The following MARCHF3 variants were observed in gnomAD, a reference collection of about 807,000 sequenced individuals.
The protein encoded by MARCHF3 is E3 ubiquitin-protein ligase MARCHF3.
Under a neutral mutation model 24.2 loss-of-function variants are expected in MARCHF3, and 13 were observed. The observed-to-expected ratio is 0.54, with a 90% CI of 0.35 to 0.85. The LOEUF is 0.85. MARCHF3 is among the 40% of genes least tolerant of loss of function. The pLI is 0.01. For missense variants in MARCHF3, 276 were observed against 325.0 expected (o/e 0.85, Z 1.16); for synonymous variants, 144 against 137.3 (o/e 1.05, Z -0.34).
Position 126,870,545 on chromosome 5 carries a change from G to A in MARCHF3, c.*88C>T, listed in dbSNP as rs1752930379. 15 of 1,258,970 alleles carry A rather than the reference G, an allele frequency of 1.2e-5. No individual in the cohort carries two copies. The highest frequency in any genetic ancestry group is 1.7e-5 in the Non-Finnish European group (15 of 876,448). The allele number at this position is 1,258,970 out of a possible 1,614,324, so 78.0% of individuals were successfully genotyped here. ...TCTTAGACCCACAGGCTTAAGGAAG[G>A]GCTTGGGGGTCGCTCAGTGCATGAC... On this transcript the variant is annotated 3_prime_UTR_variant, in exon 5 of 5. Transcript: ENST00000308660.
chr5:126,907,713 T>C (rs1468291413), intron 3 of MARCHF3, among the ~76,000 whole-genome samples: 1 of 146,832 alleles, frequency 6.8e-6, no homozygotes, highest in Non-Finnish European at 1.5e-5. Context: ...CCTATGTGTG[T>C]CTCTGCACGT....
chr5:126,883,506 C>T (rs943937063), intron 3 of MARCHF3, among the ~76,000 whole-genome samples: 2 of 152,130 alleles, frequency 1.3e-5, no homozygotes, highest in African/African-American at 4.8e-5. Flanking sequence ...GAAACCCCAC[C>T]GTAATCAGCA....
intron 1 of MARCHF3, among the ~76,000 whole-genome samples, chr5:126,957,681 A>G (rs1284743775): frequency 6.6e-6 from 1 of 152,120 alleles, no homozygotes; most frequent in Non-Finnish European, 1.5e-5. Flanking sequence ...TTTTTGTAAA[A>G]CATCACATTT....
chr5:126,921,007 C>G (rs2126797107), intron 1 of MARCHF3, among the ~76,000 whole-genome samples: 2 of 151,822 alleles, frequency 1.3e-5, no homozygotes, highest in Middle Eastern at 6.8e-3. Context: ...TACAAGCAAG[C>G]CCTGGCTCTT....
chr5:126,899,639 G>A (rs1436189805), intron 3 of MARCHF3, among the ~76,000 whole-genome samples: 1 of 152,028 alleles, frequency 6.6e-6, no homozygotes, highest in Non-Finnish European at 1.5e-5. Flanking sequence ...CTTCTGATAG[G>A]GTGCTGTAGC....
chr5:126,942,157 T>C (rs1210366214), intron 1 of MARCHF3, among the ~76,000 whole-genome samples: 17 of 152,182 alleles, frequency 1.1e-4, no homozygotes, highest in Admixed American at 1.1e-3. Flanking sequence ...AATAAAAACA[T>C]TGAAAGCTCC....
chr5:126,885,481 C>T (rs929368447), intron 3 of MARCHF3, among the ~76,000 whole-genome samples: 1 of 152,044 alleles, frequency 6.6e-6, no homozygotes, highest in Non-Finnish European at 1.5e-5. Flanking sequence ...GCAGGAGAAT[C>T]GCTTGAACCC....
intron 1 of MARCHF3, among the ~76,000 whole-genome samples, chr5:126,954,830 G>A (rs1457572916): frequency 6.6e-6 from 1 of 152,036 alleles, no homozygotes; most frequent in East Asian, 1.9e-4. Context: ...TAAGTCTCCT[G>A]TTTCCCAATG....
chr5:126,902,502 C>T (rs770201260), intron 3 of MARCHF3, among the ~76,000 whole-genome samples: 1 of 152,034 alleles, frequency 6.6e-6, no homozygotes, highest in Non-Finnish European at 1.5e-5. Flanking sequence ...TTGAAAATAA[C>T]AGAATCTGGT....
At chr5:126,918,657 C>A (rs986459615) in intron 1 of MARCHF3, among the ~76,000 whole-genome samples, 17 of 152,146 alleles carry the variant, frequency 1.1e-4, no homozygotes, top group Non-Finnish European at 2.2e-4. Flanking sequence ...ATTCTACATG[C>A]AGCTTCATTC....
intron 1 of MARCHF3, among the ~76,000 whole-genome samples, chr5:126,966,975 A>AT (rs1478687873): frequency 2.2e-5 from 1 of 45,378 alleles, no homozygotes; most frequent in Non-Finnish European, 4.7e-5. Context: ...TTTTTAAAGA[A>AT]TTTTTTATTT....
rs1330628621 is a variant in MARCHF3 at position 126,904,825 on chromosome 5, C to A, written c.393+10105G>T. 2.0e-5 allele frequency among the ~76,000 whole-genome samples: 3 copies of A among 150,978 alleles called. No homozygotes were observed. The East Asian group carries it at 5.8e-4, about 29-fold the overall frequency. On this transcript the variant is annotated intron_variant, in intron 3 of 4. Coordinates refer to ENST00000308660, the MANE Select transcript of MARCHF3 (RefSeq NM_178450.5). ...CAGAAGCTCTTTAGTTCAATTAGAT[C>A]CCATTTGTCAATTTTGGCTTTTGTT...
At chr5:126,899,788 G>A (rs1194845454) in intron 3 of MARCHF3, among the ~76,000 whole-genome samples, 1 of 152,040 alleles carries the variant, frequency 6.6e-6, no homozygotes, top group Non-Finnish European at 1.5e-5. Context: ...TTGGTTCACA[G>A]CAAAATTGAA....
intron 3 of MARCHF3, 85 bp downstream of exon 3, chr5:126,914,845 T>A (rs1754665861): frequency 1.5e-6 from 2 of 1,346,720 alleles, no homozygotes; most frequent in South Asian, 2.4e-5. Context: ...TCAGTAAAGC[T>A]GTACAGGGCT....
At chr5:126,940,526 C>T (rs1749793021) in intron 1 of MARCHF3, among the ~76,000 whole-genome samples, 1 of 152,048 alleles carries the variant, frequency 6.6e-6, no homozygotes. Flanking sequence ...CAGCTCACTG[C>T]AACCTCCGTC....
intron 1 of MARCHF3, among the ~76,000 whole-genome samples, chr5:126,932,138 T>C (rs1171655975): frequency 1.3e-5 from 2 of 152,258 alleles, no homozygotes; most frequent in Non-Finnish European, 2.9e-5. Flanking sequence ...CCTGTTGCTT[T>C]TGCTATTTCT....
chr5:126,974,849 T>TA (rs1264377159), intron 1 of MARCHF3, among the ~76,000 whole-genome samples: 1 of 152,242 alleles, frequency 6.6e-6, no homozygotes, highest in Non-Finnish European at 1.5e-5. Flanking sequence ...ATCTGTGACT[T>TA]AAAAGTCTTA....
intron 3 of MARCHF3, among the ~76,000 whole-genome samples, chr5:126,909,288 G>C (rs1398312589): frequency 2.0e-5 from 3 of 152,254 alleles, no homozygotes; most frequent in Non-Finnish European, 4.4e-5. Flanking sequence ...TCTGTGCCCT[G>C]CACGCAGAAG....
At position 127,027,688 on chromosome 5, in the gene MARCHF3, G is replaced by T. The variant is rs553852740; in HGVS notation, c.-57+2662C>A. 3.3e-5 allele frequency among the ~76,000 whole-genome samples: 5 copies of T among 152,290 alleles called. No individual in the cohort carries two copies. The South Asian group carries it at 8.3e-4, about 25-fold the overall frequency. ...CACTTTCAGATGTAAGACAAAAGGG[G>T]TCCATTGTTGAAGACAGAGAGTTAA... On this transcript the variant is annotated intron_variant, in intron 1 of 4. Transcript: ENST00000308660.
Sources: gnomAD v4.1 joint callset for allele counts (sites outside exome capture counted in the v4.1 genomes callset) on GRCh38, gnomAD v4.1.1 for gene constraint, MANE v1.5 for transcripts, NCBI Gene and HGNC (gene_info 2026-07-23, HGNC 2026-07-21) for gene names.